Variants in NUP214 observed in about 807,000 individuals in gnomAD.
NUP214 encodes nucleoporin 214.
In NUP214, 79 loss-of-function variants were observed where a neutral mutation model predicts 196.2. The ratio of observed to expected loss-of-function variants is 0.40; its 90% CI spans 0.34 to 0.49. The LOEUF is 0.49. Ranked by LOEUF, NUP214 falls within the 20% of genes least tolerant of loss-of-function variation. The probability of loss-of-function intolerance (pLI) is 0.58; values close to 1 mark genes in which losing one functional copy is unlikely to be tolerated. For missense variants in NUP214, 2,468 were observed against 2,539.0 expected (o/e 0.97, Z 0.60); for synonymous variants, 1,020 against 990.5 (o/e 1.03, Z -0.56).
At chr9:131,184,551 G>C (rs1833396459) in intron 24 of NUP214, among the ~76,000 whole-genome samples, 1 of 150,954 alleles carries the variant, frequency 6.6e-6, no homozygotes, top group South Asian at 2.1e-4. Flanking sequence ...GGCCAGGCTG[G>C]TCTCGAACTC....
intron 5 of NUP214, among the ~76,000 whole-genome samples, chr9:131,132,245 G>A (rs1311406365): frequency 1.3e-5 from 2 of 149,606 alleles, no homozygotes; most frequent in African/African-American, 4.9e-5. Context: ...TCAGCCTCCC[G>A]AGTAGCTGGG....
Position 131,232,606 on chromosome 9 carries a change from T to G in NUP214, c.6239+298T>G. Reference sequence around the variant, plus strand: ...GCGCTGAGGAGATGCTGCTCCTGACTTCCCTGGAGGTTTCTCAGAAGCTGC... The same window carrying G: ...GCGCTGAGGAGATGCTGCTCCTGACGTCCCTGGAGGTTTCTCAGAAGCTGC... On this transcript the variant is annotated intron_variant, in intron 35 of 35. Transcript: ENST00000359428. The surrounding 1 kb of genome is among the most constrained non-coding windows in gnomAD (Gnocchi z 5.1). 2.0e-6 allele frequency: 1 copy of G among 503,090 alleles called. No individual in the cohort carries two copies. The highest frequency in any genetic ancestry group is 3.6e-6 in the Non-Finnish European group (1 of 276,960). 31.2% of individuals were successfully genotyped at this position (503,090 alleles called of 1,614,324 possible).
At chr9:131,175,722 G>T in intron 23 of NUP214, 101 bp downstream of exon 23, 2 of 1,453,146 alleles carry the variant, frequency 1.4e-6, no homozygotes, top group Non-Finnish European at 1.8e-6. Flanking sequence ...GCTCTTTGGT[G>T]CCCTTCAGAA....
At chr9:131,145,475 A>C (rs189220398) in intron 12 of NUP214, among the ~76,000 whole-genome samples, 11 of 152,090 alleles carry the variant, frequency 7.2e-5, no homozygotes, top group Non-Finnish European at 1.3e-4. Flanking sequence ...TGTTGTTGCT[A>C]TGGTGGTGCT....
chr9:131,198,603 C>T lies in NUP214; in HGVS notation c.5109C>T (p.Val1703=), dbSNP rs1247076434. The change falls in exon 29 of 36, where the codon GTC becomes GTT. Residue 1703 remains valine, a synonymous_variant. Coordinates refer to ENST00000359428, the MANE Select transcript of NUP214 (RefSeq NM_005085.4). ...TASTAAATPQ[V]SSSGFSSPAF... The stretch of plus-strand genomic sequence containing the variant: ...GCACAGCAGCTGCCACACCACAGGT[C>T]AGCAGCTCAGGGTTTAGCAGCCCAG... 1.2e-6 allele frequency: 2 copies of T among 1,614,262 alleles called. No homozygotes were observed. The highest frequency in any genetic ancestry group is 1.1e-5 in the South Asian group (1 of 91,082).
chr9:131,140,767 A>T (rs1831885593), intron 11 of NUP214, 57 bp downstream of exon 11: 9 of 1,515,142 alleles, frequency 5.9e-6, no homozygotes, highest in Non-Finnish European at 7.2e-6. Context: ...GCACAAGAGT[A>T]TTTCCAAGAA....
intron 31 of NUP214, among the ~76,000 whole-genome samples, chr9:131,221,796 C>G (rs775746135): frequency 2.0e-5 from 3 of 152,210 alleles, no homozygotes; most frequent in Non-Finnish European, 4.4e-5. Flanking sequence ...AAACACCCAT[C>G]TAGACGTGGT....
intron 31 of NUP214, among the ~76,000 whole-genome samples, chr9:131,220,762 A>AT (rs1251955166): frequency 6.6e-6 from 1 of 152,200 alleles, no homozygotes; most frequent in East Asian, 1.9e-4. Flanking sequence ...GCTATTAGGT[A>AT]ATCTCACCCG....
At chr9:131,142,139 T>C (rs1197364002) in intron 11 of NUP214, among the ~76,000 whole-genome samples, 1 of 152,220 alleles carries the variant, frequency 6.6e-6, no homozygotes, top group Non-Finnish European at 1.5e-5. Context: ...GTTGTTTTTT[T>C]TTCCTCCTTA....
rs1157938114 is a variant in NUP214, at chr9:131,175,465, A to C, written c.3163A>C (p.Thr1055Pro). The C allele has an allele frequency of 1.2e-6, 2 of 1,613,994 alleles. No homozygotes were observed. The highest frequency in any genetic ancestry group is 1.7e-6 in the Non-Finnish European group (2 of 1,179,980). The change falls in exon 23 of 36, where the codon ACA becomes CCA. Residue 1055 changes from threonine to proline, a missense_variant. By Grantham distance (38) the Thr-to-Pro change is conservative (BLOSUM62 -1). Around this residue, in one of 5 missense-constraint regions of NUP214, gnomAD observed 1,801 missense variants for 1,779.4 expected, o/e 1.01. Transcript: ENST00000359428. ...AATTTTTCTTTTCCTCTTAGTGGCT[A>C]CATCTGCTAGCAAAATTATTCCTCA... ...SPGVMGTSVA[T>P]SASKIIPQGA... is the part of the protein sequence containing the mutation.
intron 21 of NUP214, among the ~76,000 whole-genome samples, chr9:131,171,530 T>C (rs1257481957): frequency 6.8e-6 from 1 of 147,950 alleles, no homozygotes; most frequent in Non-Finnish European, 1.5e-5. Flanking sequence ...CTAGTTGTTA[T>C]CTCACAGGAA....
rs751261570 is a variant in NUP214 at position 131,174,305 on chromosome 9, G to C, written c.3144G>C (p.Val1048=). The change falls in exon 22 of 36, where the codon GTG becomes GTC. Residue 1048 remains valine, a synonymous_variant. Transcript: ENST00000359428. ...TGGTTCATGGTTCTTCACCTGGTGT[G>C]ATGGGAACTTCAGGTAAGTAAACAG... ...SHLVHGSSPG[V]MGTSVATSAS... The C allele has an allele frequency of 1.2e-6, 2 of 1,611,506 alleles. No homozygotes were observed. Among genetic ancestry groups the C allele is most frequent in the Non-Finnish European group, 1.7e-6 (2 of 1,179,400 alleles).
chr9:131,222,661 T>C, intron 31 of NUP214, 117 bp from the exon 32 acceptor site: 1 of 1,244,798 alleles, frequency 8.0e-7, no homozygotes. Context: ...CCTTGGCTTC[T>C]AGGCGGCTTG....
chr9:131,158,340 A>G (rs1832523311), intron 17 of NUP214, among the ~76,000 whole-genome samples: 1 of 152,164 alleles, frequency 6.6e-6, no homozygotes, highest in Admixed American at 6.5e-5. Context: ...TGGCTTCCCA[A>G]AGTGCTGAGA....
At chr9:131,129,673 C>G (rs1209352719) in intron 4 of NUP214, among the ~76,000 whole-genome samples, 196 bp downstream of exon 4, 1 of 152,038 alleles carries the variant, frequency 6.6e-6, no homozygotes, top group African/African-American at 2.4e-5. Context: ...GGCATCATCT[C>G]AGCCACTGCA....
intron 25 of NUP214, 103 bp downstream of exon 25, chr9:131,187,467 A>G (rs368729719): frequency 3.5e-5 from 28 of 796,154 alleles, no homozygotes; most frequent in East Asian, 1.4e-4. Flanking sequence ...GCTCACCGCA[A>G]CCTCTGCCTC....
In NUP214 at chr9:131,144,681, T is replaced by C. The variant is rs779863304; in HGVS notation, c.1696T>C (p.Ser566Pro). The part of the protein sequence containing the change: ...TLESTPVPSV[S>P]APNIAMKPSF... ...GGAAAGCACACCAGTGCCAAGTGTG[T>C]CTGCTCCAAATATAGCAATGAAGCC... The change falls in exon 12 of 36, where the codon TCT becomes CCT. Residue 566 changes from serine to proline, a missense_variant. Coordinates refer to ENST00000359428, the MANE Select transcript of NUP214 (RefSeq NM_005085.4). 1 of 1,614,212 alleles carries C rather than the reference T, an allele frequency of 6.2e-7. No homozygotes were observed. The highest frequency in any genetic ancestry group is 1.1e-5 in the South Asian group (1 of 91,084).
rs1325574299 is a variant in NUP214, at chr9:131,127,546, A to C, written c.68A>C (p.Lys23Thr). Residue 23 changes from lysine (K) to threonine (T), a missense_variant, in exon 2 of 36, where the codon AAG becomes ACG. Physicochemically the swap from Lys to Thr is moderately conservative, Grantham distance 78. This residue lies in a region of NUP214 where 392 missense variants were observed against 417.9 expected (regional missense o/e 0.94). Transcript: ENST00000359428. ...CAGGATTTTCAGTTTAGAGCGCTAA[A>C]GAAGGTGAGAATCTTTGACTCCCCT... ...EMKDFQFRAL[K>T]KVRIFDSPEE... The C allele has an allele frequency of 1.6e-5, 25 of 1,612,560 alleles. No individual in the cohort carries two copies. The highest frequency in any genetic ancestry group is 1.9e-5 in the Non-Finnish European group (23 of 1,179,500).
At chr9:131,151,668 C>A in intron 16 of NUP214, 68 bp from the exon 17 acceptor site, 1 of 1,298,052 alleles carries the variant, frequency 7.7e-7, no homozygotes, top group Non-Finnish European at 1.1e-6. Context: ...CACCACCTTC[C>A]TTGATCCAAA....
Sources: allele counts gnomAD v4.1 joint callset (sites outside exome capture counted in the v4.1 genomes callset), GRCh38; gene constraint gnomAD v4.1.1; regional missense constraint gnomAD v4.1.1; non-coding constraint Gnocchi (gnomAD v3.1); transcripts MANE v1.5; gene names NCBI Gene and HGNC (gene_info 2026-07-23, HGNC 2026-07-21).